RPN2: variants seen among roughly 807,000 people sequenced by gnomAD.
RPN2 encodes ribophorin II.
Under a neutral mutation model 71.4 loss-of-function variants are expected in RPN2, and 29 were observed. That is an observed-to-expected ratio of 0.41 (90% CI 0.30 to 0.55). The LOEUF is 0.55. Ranked by LOEUF, RPN2 falls within the 20% of genes least tolerant of loss-of-function variation. RPN2 has a pLI of 0.35. For synonymous variants in RPN2, 308 were observed against 305.0 expected (o/e 1.01, Z -0.10); for missense variants, 726 against 774.1 (o/e 0.94, Z 0.74).
intron 7 of RPN2, among the ~76,000 whole-genome samples, chr20:37,209,535 A>G (rs1013643596): frequency 3.2e-4 from 48 of 152,052 alleles, no homozygotes; most frequent in African/African-American, 9.6e-4. Context: ...TAGTGGCGCA[A>G]TCATAGCTCA....
At chr20:37,226,217 C>T (rs1056860179) in intron 11 of RPN2, among the ~76,000 whole-genome samples, 8 of 152,110 alleles carry the variant, frequency 5.3e-5, no homozygotes, top group Non-Finnish European at 1.2e-4. Context: ...GGGATACAGG[C>T]ATGCATTACC....
rs768480485 is a variant in RPN2, at chr20:37,225,668, ACT to A, written c.1185-17_1185-16del. The A allele has an allele frequency of 1.3e-6, 2 of 1,532,984 alleles. No homozygotes were observed. Among genetic ancestry groups the A allele is most frequent in the East Asian group, 4.5e-5 (2 of 44,538 alleles). 95.0% of individuals were successfully genotyped at this position (1,532,984 alleles called of 1,614,324 possible). A position where few individuals can be genotyped will look rare whatever the true frequency, so the allele number is the denominator to read the frequency against. ...ATATACTGATCCTCTCTGAAGACTA[ACT>A]CTATATGCCTCTTTCAGGGTGACAT... On this transcript the variant is annotated intron_variant, in intron 10 of 16. Coordinates refer to ENST00000237530, the MANE Select transcript of RPN2 (RefSeq NM_002951.5).
intron 2 of RPN2, among the ~76,000 whole-genome samples, chr20:37,185,165 A>C (rs979048641): frequency 6.8e-6 from 1 of 146,458 alleles, no homozygotes; most frequent in Non-Finnish European, 1.5e-5. Context: ...TTTTTTTGAG[A>C]CAGAGTCTGG....
chr20:37,233,528 C>G (rs1255294892), intron 14 of RPN2, among the ~76,000 whole-genome samples: 1 of 152,164 alleles, frequency 6.6e-6, no homozygotes, highest in East Asian at 1.9e-4. Context: ...AGAAGCCTTG[C>G]TACAGGTTTT....
chr20:37,193,714 A>T (rs2067195556), intron 2 of RPN2, among the ~76,000 whole-genome samples: 1 of 152,136 alleles, frequency 6.6e-6, no homozygotes, highest in South Asian at 2.1e-4. Context: ...ATTCCATGAG[A>T]TAGCAACACA....
At chr20:37,238,065 G>A (rs1410580146) in intron 16 of RPN2, among the ~76,000 whole-genome samples, 1 of 152,148 alleles carries the variant, frequency 6.6e-6, no homozygotes, top group Non-Finnish European at 1.5e-5. Flanking sequence ...ATCAAGACAA[G>A]AATTGAGTAG....
At chr20:37,212,027 T>G (rs2067685050) in intron 8 of RPN2, among the ~76,000 whole-genome samples, 1 of 152,084 alleles carries the variant, frequency 6.6e-6, no homozygotes, top group Non-Finnish European at 1.5e-5. Context: ...CACCTCAGCC[T>G]CCAAAGTGCT....
chr20:37,227,638 A>G (rs906096407), intron 11 of RPN2, among the ~76,000 whole-genome samples: 9 of 152,232 alleles, frequency 5.9e-5, no homozygotes, highest in African/African-American at 2.2e-4. Context: ...CACCCTGCCA[A>G]CTCATTTAAT....
At chr20:37,185,656 G>A (rs1463637165) in intron 2 of RPN2, among the ~76,000 whole-genome samples, 1 of 151,662 alleles carries the variant, frequency 6.6e-6, no homozygotes, top group Non-Finnish European at 1.5e-5. Flanking sequence ...TCACTGTGTT[G>A]CCCAGGCTGG....
chr20:37,227,025 G>T (rs1318435415), intron 11 of RPN2, among the ~76,000 whole-genome samples: 3 of 152,202 alleles, frequency 2.0e-5, no homozygotes, highest in Non-Finnish European at 4.4e-5. Context: ...CTTGCTTTCT[G>T]TTTCTTGCAG....
Position 37,207,392 on chromosome 20 carries a change from A to G in RPN2, c.810A>G (p.Pro270=), listed in dbSNP as rs1224527908. 1.2e-6 allele frequency: 2 copies of G among 1,614,168 alleles called. No homozygotes were observed. The highest frequency in any genetic ancestry group is 1.1e-5 in the South Asian group (1 of 91,088). Residue 270 remains proline, a synonymous_variant, in exon 7 of 17, where the codon CCA becomes CCG. Transcript: ENST00000237530. ...TCTCGCATAATCGCTACCACGTGCC[A>G]GTTGTGGTTGTGCCTGAGGGCTCTG... ...AVLSHNRYHV[P]VVVVPEGSAS... is the part of the protein sequence containing the mutation.
At chr20:37,183,451 C>G (rs1002504814) in intron 1 of RPN2, among the ~76,000 whole-genome samples, 1 of 152,192 alleles carries the variant, frequency 6.6e-6, no homozygotes, top group Non-Finnish European at 1.5e-5. Flanking sequence ...TTCCTGACCT[C>G]AGGTGATCCA....
chr20:37,213,690 T>G (rs1214402391), intron 8 of RPN2, 70 bp from the exon 9 acceptor site: 17 of 1,183,872 alleles, frequency 1.4e-5, no homozygotes, highest in Non-Finnish European at 2.0e-5. Context: ...AGACATTTTG[T>G]AGCTCCTGTT....
chr20:37,186,882 G>C (rs1218927668), intron 2 of RPN2, among the ~76,000 whole-genome samples: 1 of 152,102 alleles, frequency 6.6e-6, no homozygotes, highest in Non-Finnish European at 1.5e-5. Flanking sequence ...GTATCTTCAT[G>C]ATGTTTTTGA....
At chr20:37,235,677 C>T (rs1569001586) in intron 15 of RPN2, among the ~76,000 whole-genome samples, 1 of 152,066 alleles carries the variant, frequency 6.6e-6, no homozygotes, top group Non-Finnish European at 1.5e-5. Flanking sequence ...GAGATGGAGT[C>T]TTGCTCTGTC....
intron 2 of RPN2, 61 bp from the exon 3 acceptor site, chr20:37,198,336 T>G (rs1432238943): frequency 2.5e-6 from 4 of 1,613,708 alleles, no homozygotes; most frequent in Non-Finnish European, 3.4e-6. Context: ...AAAAACGCCT[T>G]TGCTTTTCCT....
In RPN2 at chr20:37,199,139, T is replaced by A. The variant is rs750057859; in HGVS notation, c.393T>A (p.Ala131=). ...CCCAGATCTACCATGCAGTTGCAGCTCTAAGTGGCTTTGGCCTTCCCTTGG... is the reference window on the plus strand; with the variant it reads ...CCCAGATCTACCATGCAGTTGCAGCACTAAGTGGCTTTGGCCTTCCCTTGG... The part of the protein sequence containing the change: ...SVTQIYHAVA[A]LSGFGLPLAS... The change falls in exon 4 of 17, where the codon GCT becomes GCA. Residue 131 remains alanine, a synonymous_variant. Coordinates refer to ENST00000237530, the MANE Select transcript of RPN2 (RefSeq NM_002951.5). 6.2e-7 allele frequency: 1 copy of A among 1,614,228 alleles called. No homozygotes were observed. The highest frequency in any genetic ancestry group is 1.1e-5 in the South Asian group (1 of 91,090).
At chr20:37,206,964 G>T (rs1380848806) in intron 6 of RPN2, among the ~76,000 whole-genome samples, 1 of 152,132 alleles carries the variant, frequency 6.6e-6, no homozygotes, top group African/African-American at 2.4e-5. Flanking sequence ...ACCTGCCTTG[G>T]TCTCCAAAAG....
intron 16 of RPN2, among the ~76,000 whole-genome samples, chr20:37,239,055 A>G (rs2068481537): frequency 6.6e-6 from 1 of 152,216 alleles, no homozygotes. Flanking sequence ...CTCCTTCTGC[A>G]TATCAGTCCT....
Sources: allele counts gnomAD v4.1 joint callset (sites outside exome capture counted in the v4.1 genomes callset), GRCh38; gene constraint gnomAD v4.1.1; transcripts MANE v1.5; gene names NCBI Gene and HGNC (gene_info 2026-07-23, HGNC 2026-07-21).